GPRASP3: variants seen among roughly 807,000 people sequenced by gnomAD.
GPRASP3 encodes G protein-coupled receptor associated sorting protein 3.
chrX:102,739,061 A>C, the GPRASP3 span, among the ~76,000 whole-genome samples: 3 of 111,598 alleles, frequency 2.7e-5, no homozygotes, highest in African/African-American at 9.8e-5. Flanking sequence ...GCTTTTCCAA[A>C]GGAGGCAATC....
the GPRASP3 span, among the ~76,000 whole-genome samples, chrX:102,725,527 CTT>C: frequency 9.3e-5 from 9 of 96,476 alleles, no homozygotes; most frequent in Admixed American, 1.1e-4. Flanking sequence ...CCACTTGTTT[CTT>C]TTTTTTTTTT....
chrX:102,753,352 T>C, the GPRASP3 span: 2 of 123,483 alleles, frequency 1.6e-5, no homozygotes, highest in Non-Finnish European at 3.7e-5. Flanking sequence ...ACCATATGGC[T>C]TTACCACAGT....
the GPRASP3 span, among the ~76,000 whole-genome samples, chrX:102,735,074 A>G: frequency 8.9e-6 from 1 of 112,528 alleles, no homozygotes; most frequent in Non-Finnish European, 1.9e-5. Flanking sequence ...TAGCCAACCT[A>G]TAGTTTATTT....
At chrX:102,732,050 T>C in the GPRASP3 span, among the ~76,000 whole-genome samples, 10 of 112,115 alleles carry the variant, frequency 8.9e-5, no homozygotes, top group Middle Eastern at 4.7e-3. Flanking sequence ...ACTATCACTT[T>C]TAAAGAGGCA....
the GPRASP3 span, among the ~76,000 whole-genome samples, chrX:102,743,420 T>C: frequency 9.0e-6 from 1 of 111,500 alleles, no homozygotes; most frequent in African/African-American, 3.3e-5. Context: ...TTGGTATATA[T>C]AGAGCTACTT....
chrX:102,747,556 A>G, the GPRASP3 span: 1 of 111,552 alleles, frequency 9.0e-6, no homozygotes, highest in Non-Finnish European at 1.9e-5. Flanking sequence ...TCCACTACCT[A>G]TTTCTGCACC....
At chrX:102,729,553 AGGG>A in the GPRASP3 span, among the ~76,000 whole-genome samples, 1 of 112,515 alleles carries the variant, frequency 8.9e-6, no homozygotes, top group African/African-American at 3.2e-5. Context: ...AAGAATATTT[AGGG>A]AAATGCTAGA....
chrX:102,728,751 T>C, the GPRASP3 span, among the ~76,000 whole-genome samples: 2 of 109,736 alleles, frequency 1.8e-5, no homozygotes, highest in African/African-American at 6.6e-5. Flanking sequence ...TTTTCACTGC[T>C]CTTTAGCTTC....
At chrX:102,747,381 G>C in the GPRASP3 span, among the ~76,000 whole-genome samples, 1 of 111,759 alleles carries the variant, frequency 8.9e-6, no homozygotes, top group Admixed American at 9.5e-5. Flanking sequence ...TGGTGGGAAG[G>C]ATAGCATCTC....
chrX:102,747,506 T>C, the GPRASP3 span: 3 of 111,687 alleles, frequency 2.7e-5, no homozygotes, highest in Admixed American at 9.4e-5. Flanking sequence ...ACAGTCTCCA[T>C]TATGTTCCCT....
At chrX:102,720,797 G>C in the GPRASP3 span, 5,036 of 112,171 alleles carry the variant, frequency 0.045, 111 homozygotes, top group Middle Eastern at 0.11. Flanking sequence ...AGAGCAGAAC[G>C]TGGGAGGAAC....
At chrX:102,748,745 C>T in the GPRASP3 span, 1 of 288,578 alleles carries the variant, frequency 3.5e-6, no homozygotes, top group African/African-American at 2.6e-5. Flanking sequence ...GTTGGAAGAC[C>T]ATCACCTTCA....
At chrX:102,731,829 G>A in the GPRASP3 span, among the ~76,000 whole-genome samples, 1 of 111,452 alleles carries the variant, frequency 9.0e-6, no homozygotes, top group South Asian at 3.8e-4. Flanking sequence ...AAGTGAGCAC[G>A]CACAGTGTGT....
the GPRASP3 span, among the ~76,000 whole-genome samples, chrX:102,746,582 C>G: frequency 1.8e-5 from 2 of 112,442 alleles, no homozygotes; most frequent in South Asian, 3.7e-4. Flanking sequence ...AGCTCTGTGC[C>G]CAGCCCACGA....
the GPRASP3 span, among the ~76,000 whole-genome samples, chrX:102,731,968 G>T: frequency 1.8e-5 from 2 of 112,070 alleles, no homozygotes; most frequent in Admixed American, 9.4e-5. Flanking sequence ...CCTGGTATCC[G>T]CATTCAATTA....
chrX:102,733,793 C>T, the GPRASP3 span, among the ~76,000 whole-genome samples: 2 of 110,408 alleles, frequency 1.8e-5, no homozygotes, highest in Non-Finnish European at 1.9e-5. Context: ...CACTTTCACT[C>T]GCATCCGTGT....
At chrX:102,729,209 G>C in the GPRASP3 span, among the ~76,000 whole-genome samples, 10 of 111,692 alleles carry the variant, frequency 9.0e-5, no homozygotes, top group Admixed American at 2.8e-4. Flanking sequence ...AATACACCCA[G>C]AGCCTTCTTC....
the GPRASP3 span, among the ~76,000 whole-genome samples, chrX:102,738,030 T>C: frequency 9.0e-6 from 1 of 111,726 alleles, no homozygotes; most frequent in Admixed American, 9.5e-5. Flanking sequence ...TACTCTGGGT[T>C]ATAAAAGACA....
chrX:102,745,000 T>C, the GPRASP3 span, among the ~76,000 whole-genome samples: 1 of 111,051 alleles, frequency 9.0e-6, no homozygotes, highest in Non-Finnish European at 1.9e-5. Context: ...AAAAAATATA[T>C]ATATATTCAG....
Sources: gnomAD v4.1 joint callset for allele counts (sites outside exome capture counted in the v4.1 genomes callset) on GRCh38, gnomAD v4.1.1 for gene constraint, MANE v1.5 for transcripts, NCBI Gene and HGNC (gene_info 2026-07-23, HGNC 2026-07-21) for gene names.